N4BP1: variants seen among roughly 807,000 people sequenced by gnomAD.
N4BP1 encodes the protein NEDD4 binding protein 1.
In N4BP1, 21 loss-of-function variants were observed where a neutral mutation model predicts 70.9. That is an observed-to-expected ratio of 0.30 (90% CI 0.21 to 0.43). The LOEUF is 0.43. N4BP1 is among the 20% of genes least tolerant of loss of function. N4BP1 has a pLI of 1.00. For synonymous variants in N4BP1, 387 were observed against 394.6 expected, an observed-to-expected ratio of 0.98 and a Z score of 0.23; for missense variants, 936 against 1,069.4, an observed-to-expected ratio of 0.88 and a Z score of 1.74.
intron 4 of N4BP1, among the ~76,000 whole-genome samples, chr16:48,549,609 C>T (rs867060324): frequency 1.2e-4 from 18 of 152,206 alleles, no homozygotes; most frequent in Non-Finnish European, 2.5e-4. Flanking sequence ...CTATCCCCCC[C>T]GGCACCCACA....
intron 3 of N4BP1, among the ~76,000 whole-genome samples, chr16:48,552,700 A>C (rs372558885): frequency 1.3e-5 from 1 of 77,044 alleles, no homozygotes; most frequent in African/African-American, 7.3e-5. Context: ...TCCGTCTCAG[A>C]AAAAAAAAAA....
intron 1 of N4BP1, chr16:48,600,222 T>A: frequency 1.3e-6 from 1 of 769,186 alleles, no homozygotes; most frequent in East Asian, 2.5e-5. Flanking sequence ...CGGCATGATG[T>A]TCATCCGCAA....
chr16:48,550,809 T>C lies in N4BP1; in HGVS notation c.2117+577A>G, dbSNP rs370214145. ...GGTGCTTGCCTGTAATCCCAGCTAC[T>C]TGGGAGGCTGAGGCAGGAGAATCGC... On this transcript the variant is annotated intron_variant, in intron 4 of 6. Coordinates refer to ENST00000262384, the MANE Select transcript of N4BP1 (RefSeq NM_153029.4). Among the ~76,000 whole-genome samples the C allele has an allele frequency of 2.8e-4, 42 of 152,140 alleles. No individual in the cohort carries two copies. The East Asian group carries it at 7.7e-3, about 28-fold the overall frequency.
At chr16:48,594,620 T>C (rs1964384600) in intron 1 of N4BP1, among the ~76,000 whole-genome samples, 1 of 152,144 alleles carries the variant, frequency 6.6e-6, no homozygotes, top group African/African-American at 2.4e-5. Context: ...CCTCCCAAAG[T>C]GCTGGGATTA....
In N4BP1 at chr16:48,551,125, T is replaced by C. The variant is rs1423277115; in HGVS notation, c.2117+261A>G. Among the ~76,000 whole-genome samples, 10 of 152,190 alleles carry C rather than the reference T, an allele frequency of 6.6e-5. No homozygotes were observed. In the East Asian group the frequency reaches 1.9e-3, roughly 29 times the overall value. On this transcript the variant is annotated intron_variant, in intron 4 of 6. Coordinates refer to ENST00000262384, the MANE Select transcript of N4BP1 (RefSeq NM_153029.4). ...ACTAAGACAAGACAAACATTACTTTTAGCACCTACCAACCAGACTACAATA... is the reference window on the plus strand; with the variant it reads ...ACTAAGACAAGACAAACATTACTTTCAGCACCTACCAACCAGACTACAATA...
At chr16:48,599,434 G>A (rs1237249310) in intron 1 of N4BP1, among the ~76,000 whole-genome samples, 2 of 152,210 alleles carry the variant, frequency 1.3e-5, no homozygotes, top group Non-Finnish European at 2.9e-5. Flanking sequence ...ACATAAGCAG[G>A]AGAAACTGTG....
intron 1 of N4BP1, among the ~76,000 whole-genome samples, chr16:48,588,202 T>C (rs1330887807): frequency 2.6e-5 from 4 of 151,718 alleles, no homozygotes; most frequent in African/African-American, 9.7e-5. Context: ...AGATGTTATA[T>C]AGAAGGGGAC....
intron 1 of N4BP1, among the ~76,000 whole-genome samples, chr16:48,596,963 C>A (rs1383306900): frequency 6.6e-6 from 1 of 152,120 alleles, no homozygotes; most frequent in Non-Finnish European, 1.5e-5. Flanking sequence ...CCACCCAGTC[C>A]CATAATCTGA....
In N4BP1 at chr16:48,561,674, G is replaced by C. The variant is rs768507168; in HGVS notation, c.969C>G (p.Asp323Glu). Residue 323 changes from aspartate (D) to glutamate (E), a missense_variant, in exon 2 of 7, where the codon GAC (aspartate) becomes GAG (glutamate). Around this residue, in one of 4 missense-constraint regions of N4BP1, gnomAD observed 515 missense variants for 491.7 expected, o/e 1.05. Transcript: ENST00000262384. ...CAGAATCAGCAGAAGAATCAGATAGGTCAGCTATTACATTTCCAGCCAATG... is the reference window on the plus strand; with the variant it reads ...CAGAATCAGCAGAAGAATCAGATAGCTCAGCTATTACATTTCCAGCCAATG... ...AKTLAGNVIADLSDSSADSEN... is the reference protein window; with the variant it reads ...AKTLAGNVIAELSDSSADSEN... The C allele has an allele frequency of 6.2e-7, 1 of 1,613,186 alleles. No individual in the cohort carries two copies. Among genetic ancestry groups the C allele is most frequent in the Admixed American group, 1.7e-5 (1 of 60,006 alleles).
chr16:48,569,812 G>T, intron 1 of N4BP1, among the ~76,000 whole-genome samples: 1 of 152,190 alleles, frequency 6.6e-6, no homozygotes. Context: ...ATGAGGAACA[G>T]ATCCATGCAC....
rs1963507009 is a variant in N4BP1, at chr16:48,542,027, C to CATAACCCGCTACGGTGTTCAGAA, written c.*854_*876dup. ...GACCGGGCTCTTCATTAAACTTCCTCATAACCCGCTACGGTGTTCAGAAGC... is the reference window on the plus strand; with the variant it reads ...GACCGGGCTCTTCATTAAACTTCCTCATAACCCGCTACGGTGTTCAGAAATAACCCGCTACGGTGTTCAGAAGC... On this transcript the variant is annotated 3_prime_UTR_variant, in exon 7 of 7. Coordinates refer to ENST00000262384, the MANE Select transcript of N4BP1 (RefSeq NM_153029.4). 1 of 152,698 alleles carries CATAACCCGCTACGGTGTTCAGAA rather than the reference C, an allele frequency of 6.5e-6. No individual in the cohort carries two copies. Among genetic ancestry groups the CATAACCCGCTACGGTGTTCAGAA allele is most frequent in the Non-Finnish European group, 1.5e-5 (1 of 68,064 alleles). The allele number at this position is 152,698 out of a possible 1,614,324, so 9.5% of individuals were successfully genotyped here. A position where few individuals can be genotyped will look rare whatever the true frequency, so the allele number is the denominator to read the frequency against.
chr16:48,593,339 T>C (rs1333626251), intron 1 of N4BP1, among the ~76,000 whole-genome samples: 4 of 152,248 alleles, frequency 2.6e-5, no homozygotes, highest in Non-Finnish European at 4.4e-5. Context: ...GAAACAGTTC[T>C]ACACACAAAG....
chr16:48,590,660 A>G (rs1964323304), intron 1 of N4BP1, among the ~76,000 whole-genome samples: 2 of 152,216 alleles, frequency 1.3e-5, no homozygotes, highest in South Asian at 2.1e-4. Context: ...CCCAATGTGC[A>G]TGAATTTAAT....
intron 1 of N4BP1, 118 bp downstream of exon 1, chr16:48,609,657 G>C (rs1368640119): frequency 1.1e-6 from 1 of 910,604 alleles, no homozygotes; most frequent in Non-Finnish European, 1.4e-6. Flanking sequence ...GCTGGCTCCC[G>C]AGACTGCGTT....
At chr16:48,591,843 C>G (rs929572393) in intron 1 of N4BP1, among the ~76,000 whole-genome samples, 6 of 148,926 alleles carry the variant, frequency 4.0e-5, no homozygotes, top group African/African-American at 1.5e-4. Flanking sequence ...AGATCGCTCT[C>G]AAAATCTAAG....
At chr16:48,584,705 TTC>T (rs1241126917) in intron 1 of N4BP1, among the ~76,000 whole-genome samples, 1 of 151,448 alleles carries the variant, frequency 6.6e-6, no homozygotes, top group African/African-American at 2.4e-5. Flanking sequence ...AGCCCAGGAG[TTC>T]TGAGTCCAGC....
At position 48,561,206 on chromosome 16, in the gene N4BP1, C is replaced by T; in HGVS notation, c.1437G>A (p.Gln479=). The change falls in exon 2 of 7, where the codon CAG becomes CAA. Residue 479 remains glutamine, a synonymous_variant. Transcript: ENST00000262384. The part of the protein sequence containing the change: ...EQKHEVWGSN[Q]NYICNTDPET... ...CAGGGTCTGTGTTACAAATGTAGTT[C>T]TGGTTTGAACCCCAGACTTCATGTT... The T allele has an allele frequency of 6.2e-7, 1 of 1,613,972 alleles. No homozygotes were observed. Among genetic ancestry groups the T allele is most frequent in the African/African-American group, 1.3e-5 (1 of 75,030 alleles).
At chr16:48,588,715 T>C (rs1964285416) in intron 1 of N4BP1, among the ~76,000 whole-genome samples, 1 of 152,164 alleles carries the variant, frequency 6.6e-6, no homozygotes, top group Admixed American at 6.5e-5. Flanking sequence ...TCCAAATTGG[T>C]GGCCACTAGT....
chr16:48,596,330 C>T (rs1324922918), intron 1 of N4BP1, among the ~76,000 whole-genome samples: 3 of 152,080 alleles, frequency 2.0e-5, no homozygotes, highest in Non-Finnish European at 4.4e-5. Flanking sequence ...GTACTAAAAC[C>T]ATAGATGAGA....
Sources: allele counts gnomAD v4.1 joint callset (sites outside exome capture counted in the v4.1 genomes callset), GRCh38; gene constraint gnomAD v4.1.1; regional missense constraint gnomAD v4.1.1; transcripts MANE v1.5; gene names NCBI Gene and HGNC (gene_info 2026-07-23, HGNC 2026-07-21).